MORF4L1: variants seen among roughly 807,000 people sequenced by gnomAD.
MORF4L1 encodes the protein mortality factor 4 like 1.
A neutral mutation model predicts 52.9 loss-of-function variants in MORF4L1; 4 were observed. The ratio of observed to expected loss-of-function variants is 0.08; its 90% CI spans 0.04 to 0.17. The LOEUF (loss-of-function observed/expected upper bound fraction) is 0.17. Among genes scored for constraint, MORF4L1 ranks in the 10% least tolerant of loss-of-function variants. The probability of loss-of-function intolerance (pLI) is 1.00; values close to 1 mark genes in which losing one functional copy is unlikely to be tolerated. For missense variants in MORF4L1, 214 were observed against 390.4 expected (o/e 0.55, Z 3.81); for synonymous variants, 123 against 134.8 (o/e 0.91, Z 0.61).
intron 3 of MORF4L1, among the ~76,000 whole-genome samples, chr15:78,881,775 A>G (rs1839318830): frequency 6.6e-6 from 1 of 152,198 alleles, no homozygotes. Flanking sequence ...TGCCATTGCT[A>G]TTTAGTATTG....
Position 78,872,899 on chromosome 15 carries a change from C to T in MORF4L1, c.-119C>T. On this transcript the variant is annotated 5_prime_UTR_variant, in exon 1 of 12. Transcript: ENST00000426013. ...GTCTGCGGGCGCTGGCAAATCCGGC[C>T]CAGGATGTAGAGCTGGCAGTGCCTG... is the stretch of plus-strand genomic sequence containing the variant. 6 of 1,461,000 alleles carry T rather than the reference C, an allele frequency of 4.1e-6. No individual in the cohort carries two copies. Among genetic ancestry groups the T allele is most frequent in the South Asian group, 1.4e-5 (1 of 71,502 alleles). 90.5% of individuals were successfully genotyped at this position (1,461,000 alleles called of 1,614,324 possible). A position where few individuals can be genotyped will look rare whatever the true frequency, so the allele number is the denominator to read the frequency against.
rs1390465557 is a variant in MORF4L1 at position 78,891,531 on chromosome 15, C to T, written c.397C>T (p.Pro133Ser). ...CAGTACCAGTGAGACCCCTCAGCCT[C>T]CTCGGAAGAAAAGGGCCCGGGTAGA... ...GGSTSETPQPPRKKRARVDPT... is the reference protein window; with the variant it reads ...GGSTSETPQPSRKKRARVDPT... Residue 133 changes from proline (P) to serine (S), a missense_variant, in exon 7 of 12, where the codon CCT becomes TCT. Transcript: ENST00000426013. 9 of 1,614,106 alleles carry T rather than the reference C, an allele frequency of 5.6e-6. No individual in the cohort carries two copies. Among genetic ancestry groups the T allele is most frequent in the Non-Finnish European group, 7.6e-6 (9 of 1,179,994 alleles).
chr15:78,894,490 C>T, intron 10 of MORF4L1: 1 of 366,980 alleles, frequency 2.7e-6, no homozygotes, highest in Non-Finnish European at 4.9e-6. Flanking sequence ...CTCACTGCAA[C>T]CTCCGCCTCC....
chr15:78,887,716 G>C (rs1183973009), intron 5 of MORF4L1, among the ~76,000 whole-genome samples: 2 of 152,204 alleles, frequency 1.3e-5, no homozygotes, highest in African/African-American at 2.4e-5. Flanking sequence ...TGAAACTCAT[G>C]GTAAGAATAT....
rs2056723191 is a variant in MORF4L1 at position 78,887,319 on chromosome 15, C to T, written c.293C>T (p.Thr98Ile). 3.1e-6 allele frequency: 5 copies of T among 1,612,198 alleles called. No individual in the cohort carries two copies. The highest frequency in any genetic ancestry group is 2.5e-6 in the Non-Finnish European group (3 of 1,179,596). ...KMRGAAPGKK[T>I]SGLQQKNVEV... ...AGAGGGGCTGCCCCAGGAAAGAAGACATCTGGTCTGCAACAGAAAAATGTT... is the reference window on the plus strand; with the variant it reads ...AGAGGGGCTGCCCCAGGAAAGAAGATATCTGGTCTGCAACAGAAAAATGTT... The change falls in exon 5 of 12, where the codon ACA (threonine) becomes ATA (isoleucine). Residue 98 changes from threonine (T) to isoleucine (I), a missense_variant. Physicochemically the swap from Thr to Ile is moderately conservative, Grantham distance 89. Transcript: ENST00000426013.
intron 1 of MORF4L1, chr15:78,876,452 C>A: frequency 2.3e-6 from 1 of 439,626 alleles, no homozygotes; most frequent in Admixed American, 2.6e-5. Context: ...CATTTGCTGT[C>A]CTGGGTCATA....
At chr15:78,886,388 A>G (rs1390450117) in intron 4 of MORF4L1, 161 bp downstream of exon 4, 3 of 652,606 alleles carry the variant, frequency 4.6e-6, no homozygotes, top group African/African-American at 1.8e-5. Flanking sequence ...CGATCAAGCC[A>G]TATCTAGGTA....
At chr15:78,889,471 G>A (rs2056762376) in intron 5 of MORF4L1, among the ~76,000 whole-genome samples, 1 of 152,120 alleles carries the variant, frequency 6.6e-6, no homozygotes, top group Admixed American at 6.5e-5. Flanking sequence ...GGAGCATTTT[G>A]GCTTTGGGAT....
rs1567322368 is a variant in MORF4L1 at position 78,897,074 on chromosome 15, C to T, written c.*7C>T. ...CCATCGGAAAGCTGTGTGAGAGGCACTCTCACTCACTTATGTTTGGATCTC... is the reference window on the plus strand; with the variant it reads ...CCATCGGAAAGCTGTGTGAGAGGCATTCTCACTCACTTATGTTTGGATCTC... On this transcript the variant is annotated 3_prime_UTR_variant, in exon 12 of 12. Transcript: ENST00000426013. 4 of 1,602,222 alleles carry T rather than the reference C, an allele frequency of 2.5e-6. No homozygotes were observed. Among genetic ancestry groups the T allele is most frequent in the South Asian group, 1.1e-5 (1 of 90,780 alleles).
rs1296214719 is a variant in MORF4L1, at chr15:78,891,472, C to T, written c.350-12C>T. On this transcript the variant is annotated splice_polypyrimidine_tract_variant and intron_variant, in intron 6 of 11. Coordinates refer to ENST00000426013, the MANE Select transcript of MORF4L1 (RefSeq NM_006791.4). ...TTAGCTAAATGAGACCCCTCCCCGC[C>T]AACATTTACAGCACCTGGAAATGGA... is the stretch of plus-strand genomic sequence containing the variant. 1 of 1,611,420 alleles carries T rather than the reference C, an allele frequency of 6.2e-7. No homozygotes were observed. The highest frequency in any genetic ancestry group is 8.5e-7 in the Non-Finnish European group (1 of 1,178,000).
At chr15:78,880,869 G>GT (rs67358795) in intron 3 of MORF4L1, among the ~76,000 whole-genome samples, 87,543 of 144,612 alleles carry the variant, frequency 0.61, 27,562 homozygotes, top group Non-Finnish European at 0.7. Flanking sequence ...ACATTTTTCT[G>GT]TTTTTTTTTT....
intron 5 of MORF4L1, among the ~76,000 whole-genome samples, chr15:78,890,033 G>A (rs1356599104): frequency 1.3e-5 from 2 of 152,032 alleles, no homozygotes; most frequent in East Asian, 3.9e-4. Context: ...GACCAGCCTG[G>A]CCAACATGGT....
Position 78,872,942 on chromosome 15 carries a change from G to A in MORF4L1, c.-76G>A, listed in dbSNP as rs1042378871. 5.3e-5 allele frequency: 80 copies of A among 1,518,588 alleles called. No homozygotes were observed. The highest frequency in any genetic ancestry group is 1.3e-4 in the East Asian group (5 of 39,466). The allele number at this position is 1,518,588 out of a possible 1,614,324, so 94.1% of individuals were successfully genotyped here. A position where few individuals can be genotyped will look rare whatever the true frequency, so the allele number is the denominator to read the frequency against. On this transcript the variant is annotated 5_prime_UTR_variant, in exon 1 of 12. Transcript: ENST00000426013. ...AGTGCCTGACGGCGCGTCTGACGCG[G>A]AGTTGGGTGGGGTAGAGAGTAGGGG...
At chr15:78,880,603 T>G in intron 3 of MORF4L1, 24 bp downstream of exon 3, 1 of 1,491,630 alleles carries the variant, frequency 6.7e-7, no homozygotes. Context: ...CTTACAATTC[T>G]ATTTGTAATT....
chr15:78,895,970 A>AT (rs1317949024), intron 11 of MORF4L1, among the ~76,000 whole-genome samples: 1 of 151,882 alleles, frequency 6.6e-6, no homozygotes, highest in African/African-American at 2.4e-5. Context: ...CTTTTATGTA[A>AT]TTAAAAAAAA....
intron 8 of MORF4L1, among the ~76,000 whole-genome samples, chr15:78,893,303 T>C (rs1030165831): frequency 1.3e-5 from 2 of 152,230 alleles, no homozygotes; most frequent in African/African-American, 4.8e-5. Flanking sequence ...TAACTTAGAA[T>C]GGGGTTACAT....
At chr15:78,894,945 T>G in intron 11 of MORF4L1, 41 bp downstream of exon 11, 2 of 1,475,368 alleles carry the variant, frequency 1.4e-6, no homozygotes, top group Non-Finnish European at 1.9e-6. Flanking sequence ...ATTTGAAAAT[T>G]AGCGTGTAAT....
At chr15:78,896,017 C>T (rs1364096160) in intron 11 of MORF4L1, among the ~76,000 whole-genome samples, 16 of 151,866 alleles carry the variant, frequency 1.1e-4, no homozygotes, top group Admixed American at 8.5e-4. Flanking sequence ...CTTGCTCTGT[C>T]GCCCAGGCTG....
chr15:78,896,513 T>C (rs1037449893), intron 11 of MORF4L1, among the ~76,000 whole-genome samples: 11 of 151,940 alleles, frequency 7.2e-5, no homozygotes, highest in African/African-American at 2.2e-4. Context: ...TTCTCCACTT[T>C]GGTCAGGCTG....
Sources: allele counts gnomAD v4.1 joint callset (sites outside exome capture counted in the v4.1 genomes callset), GRCh38; gene constraint gnomAD v4.1.1; transcripts MANE v1.5; gene names NCBI Gene and HGNC (gene_info 2026-07-23, HGNC 2026-07-21).